ADGRD1: variants seen among roughly 807,000 people sequenced by gnomAD.
ADGRD1 encodes adhesion G protein-coupled receptor D1.
Under a neutral mutation model 113.4 loss-of-function variants are expected in ADGRD1, and 77 were observed. That is an observed-to-expected ratio of 0.68 (90% CI 0.57 to 0.82). The LOEUF is 0.82. Among genes scored for constraint, ADGRD1 ranks in the 40% least tolerant of loss-of-function variants. The pLI, the probability that ADGRD1 is intolerant of heterozygous loss-of-function variation, is 0.00. For missense variants in ADGRD1, 1,036 were observed against 1,139.1 expected (o/e 0.91, Z 1.30); for synonymous variants, 474 against 475.0 (o/e 1.00, Z 0.03).
At chr12:130,981,757 T>TA (rs1353066038) in intron 4 of ADGRD1, 127 bp from the exon 5 acceptor site, 1 of 660,498 alleles carries the variant, frequency 1.5e-6, no homozygotes, top group African/African-American at 1.8e-5. Context: ...GAACTGAACA[T>TA]ACACTGCCTT....
At chr12:131,009,903 A>C (rs1877656272) in intron 12 of ADGRD1, among the ~76,000 whole-genome samples, 1 of 152,192 alleles carries the variant, frequency 6.6e-6, no homozygotes, top group Non-Finnish European at 1.5e-5. Flanking sequence ...GGTGAAGCCT[A>C]TGCGTTGTAC....
At chr12:131,007,864 C>G (rs992014607) in intron 12 of ADGRD1, among the ~76,000 whole-genome samples, 3 of 146,888 alleles carry the variant, frequency 2.0e-5, no homozygotes, top group African/African-American at 7.4e-5. Flanking sequence ...GCAAAGATGC[C>G]TTGTCATCAA....
At chr12:131,099,550 C>T (rs1267257542) in intron 15 of ADGRD1, among the ~76,000 whole-genome samples, 1 of 152,200 alleles carries the variant, frequency 6.6e-6, no homozygotes, top group Non-Finnish European at 1.5e-5. Flanking sequence ...CAGACCCTGA[C>T]GTGTGCATGC....
intron 13 of ADGRD1, among the ~76,000 whole-genome samples, chr12:131,031,952 C>T (rs189534901): frequency 2.9e-4 from 44 of 152,316 alleles, no homozygotes; most frequent in Non-Finnish European, 5.7e-4. Flanking sequence ...ACTGCTGCCC[C>T]GGAAGGGAGG....
chr12:131,028,717 G>GC lies in ADGRD1; in HGVS notation c.1473+14379dup, dbSNP rs148479064. Among the ~76,000 whole-genome samples the GC allele has an allele frequency of 8.4e-3, 1,277 of 152,278 alleles. 16 individuals are homozygous for GC. The highest frequency in any genetic ancestry group is 0.031 in the Middle Eastern group (9 of 294). Reference sequence around the variant, plus strand: ...CCAACCTCTCCCCTAGTGCTGTGGTGCCGCCTTTGCCGTCAGTCACGGGAG... The same window carrying GC: ...CCAACCTCTCCCCTAGTGCTGTGGTGCCCGCCTTTGCCGTCAGTCACGGGAG... On this transcript the variant is annotated intron_variant, in intron 13 of 24. Transcript: ENST00000261654.
At chr12:131,029,218 TA>T (rs1251748546) in intron 13 of ADGRD1, among the ~76,000 whole-genome samples, 1 of 152,212 alleles carries the variant, frequency 6.6e-6, no homozygotes, top group African/African-American at 2.4e-5. Context: ...CCTGCTGCTG[TA>T]ATCTACCAGG....
chr12:131,092,901 TAAAAC>T (rs150855109), intron 15 of ADGRD1, among the ~76,000 whole-genome samples: 9,022 of 148,770 alleles, frequency 0.061, 288 homozygotes, highest in Non-Finnish European at 0.07. Context: ...TTTTTTTAAA[TAAAAC>T]AAGAAGAGGA....
chr12:131,048,036 G>A (rs941137660), intron 13 of ADGRD1, among the ~76,000 whole-genome samples: 1 of 152,230 alleles, frequency 6.6e-6, no homozygotes, highest in African/African-American at 2.4e-5. Context: ...CCTGAAGGGG[G>A]TTGGGGGCTT....
intron 13 of ADGRD1, among the ~76,000 whole-genome samples, chr12:131,076,377 T>C (rs1355781221): frequency 6.6e-6 from 1 of 151,918 alleles, no homozygotes; most frequent in African/African-American, 2.4e-5. Flanking sequence ...GTGGGCAGGG[T>C]GCCGGTGCTG....
intron 5 of ADGRD1, 88 bp downstream of exon 5, chr12:130,982,151 A>T: frequency 8.3e-7 from 1 of 1,207,394 alleles, no homozygotes; most frequent in Non-Finnish European, 1.2e-6. Context: ...AACGCAGCCC[A>T]AGGAGCCCAG....
At chr12:131,045,914 A>G (rs1399533030) in intron 13 of ADGRD1, among the ~76,000 whole-genome samples, 1 of 149,728 alleles carries the variant, frequency 6.7e-6, no homozygotes, top group Non-Finnish European at 1.5e-5. Flanking sequence ...TGCCTTGTCC[A>G]TATCCTTCCT....
intron 9 of ADGRD1, chr12:131,002,546 T>C: frequency 6.0e-6 from 6 of 1,005,270 alleles, no homozygotes; most frequent in Non-Finnish European, 7.1e-6. Context: ...CTGGCCCAGC[T>C]CAGCAGGGCT....
intron 13 of ADGRD1, among the ~76,000 whole-genome samples, chr12:131,071,832 A>ACGCTGTAC (rs1593162166): frequency 6.6e-6 from 1 of 151,292 alleles, no homozygotes; most frequent in Non-Finnish European, 1.5e-5. Flanking sequence ...CTTCTGGTCC[A>ACGCTGTAC]CGCTGTACCC....
At chr12:131,080,621 CT>C (rs531954229) in intron 14 of ADGRD1, among the ~76,000 whole-genome samples, 13 of 151,912 alleles carry the variant, frequency 8.6e-5, no homozygotes, top group Admixed American at 6.6e-4. Flanking sequence ...TAGTTTTATT[CT>C]TTTTTTTATG....
At chr12:131,019,674 A>AG (rs1879065850) in intron 13 of ADGRD1, among the ~76,000 whole-genome samples, 1 of 152,206 alleles carries the variant, frequency 6.6e-6, no homozygotes, top group South Asian at 2.1e-4. Flanking sequence ...AGACGGCCTC[A>AG]GCTCCACCTG....
intron 13 of ADGRD1, among the ~76,000 whole-genome samples, chr12:131,056,044 A>G (rs959456192): frequency 6.6e-6 from 1 of 152,206 alleles, no homozygotes; most frequent in African/African-American, 2.4e-5. Flanking sequence ...AGCTCCTGAT[A>G]TGGTCCCCTG....
At chr12:131,120,332 A>G (rs1950562765) in intron 19 of ADGRD1, among the ~76,000 whole-genome samples, 1 of 152,124 alleles carries the variant, frequency 6.6e-6, no homozygotes, top group African/African-American at 2.4e-5. Context: ...CACTTCTCAG[A>G]GGCCAGATCC....
chr12:130,962,773 CAT>C (rs1318240202), intron 2 of ADGRD1: 1 of 152,116 alleles, frequency 6.6e-6, no homozygotes, highest in Non-Finnish European at 1.5e-5. Context: ...CTCTTTAGCT[CAT>C]ATTACAGAGT....
chr12:131,043,049 G>T (rs1323726558), intron 13 of ADGRD1, among the ~76,000 whole-genome samples: 3 of 152,226 alleles, frequency 2.0e-5, no homozygotes, highest in Non-Finnish European at 4.4e-5. Context: ...CAGGTGAGTT[G>T]TTGCCCCTGC....
Sources: gnomAD v4.1 joint callset for allele counts (sites outside exome capture counted in the v4.1 genomes callset) on GRCh38, gnomAD v4.1.1 for gene constraint, MANE v1.5 for transcripts, NCBI Gene and HGNC (gene_info 2026-07-23, HGNC 2026-07-21) for gene names.